Variants in LAMA4 observed in about 807,000 individuals in gnomAD.
The protein encoded by LAMA4 is laminin subunit alpha-4.
A neutral mutation model predicts 207.1 loss-of-function variants in LAMA4; 127 were observed. The observed-to-expected ratio is 0.61, with a 90% CI of 0.53 to 0.71. The LOEUF (loss-of-function observed/expected upper bound fraction) is 0.71, where lower values mean the gene tolerates loss of function less well. Ranked by LOEUF, LAMA4 falls within the 30% of genes least tolerant of loss-of-function variation. The probability of loss-of-function intolerance (pLI) is 0.00; values close to 1 mark genes in which losing one functional copy is unlikely to be tolerated. For missense variants in LAMA4, 2,093 were observed against 2,246.5 expected (o/e 0.93, Z 1.38); for synonymous variants, 761 against 816.0 (o/e 0.93, Z 1.15).
At chr6:112,240,071 A>G (rs999593240) in intron 2 of LAMA4, among the ~76,000 whole-genome samples, 1 of 152,116 alleles carries the variant, frequency 6.6e-6, no homozygotes, top group Non-Finnish European at 1.5e-5. Context: ...AACAAAAAAA[A>G]AGTCTGACTT....
Position 112,254,200 on chromosome 6 carries a change from T to A in LAMA4, c.-50A>T, listed in dbSNP as rs1554190633. ...TCTTCCAGGGCTCGGGCGCTGTGGGTCTCCGTAGGTCTCCCGCGTGGTGCG... is the reference window on the plus strand; with the variant it reads ...TCTTCCAGGGCTCGGGCGCTGTGGGACTCCGTAGGTCTCCCGCGTGGTGCG... On this transcript the variant is annotated 5_prime_UTR_variant, in exon 2 of 39. Transcript: ENST00000230538. 2 of 1,608,916 alleles carry A rather than the reference T, an allele frequency of 1.2e-6. No individual in the cohort carries two copies. Among genetic ancestry groups the A allele is most frequent in the South Asian group, 2.2e-5 (2 of 90,050 alleles).
At chr6:112,249,441 CAAAAA>C (rs71762704) in intron 2 of LAMA4, among the ~76,000 whole-genome samples, 1 of 52,760 alleles carries the variant, frequency 1.9e-5, no homozygotes, top group Non-Finnish European at 3.9e-5. Context: ...GACTCTGTTT[CAAAAA>C]AAAAAAAAAA....
At chr6:112,160,346 T>C (rs577608083) in intron 13 of LAMA4, among the ~76,000 whole-genome samples, 1 of 152,122 alleles carries the variant, frequency 6.6e-6, no homozygotes, top group Non-Finnish European at 1.5e-5. Context: ...TAAAGCATGC[T>C]GCCCCATTGT....
intron 28 of LAMA4, among the ~76,000 whole-genome samples, 197 bp from the exon 29 acceptor site, chr6:112,131,298 C>T (rs1554329718): frequency 6.6e-6 from 1 of 152,130 alleles, no homozygotes; most frequent in African/African-American, 2.4e-5. Context: ...AGACACATTT[C>T]AGTAGAAAAA....
chr6:112,120,873 AC>A (rs1562629982), intron 32 of LAMA4, among the ~76,000 whole-genome samples: 1 of 151,960 alleles, frequency 6.6e-6, no homozygotes, highest in East Asian at 1.9e-4. Flanking sequence ...GGAGTTCAAG[AC>A]CAGCTTGGGC....
At chr6:112,250,455 T>C (rs1027991446) in intron 2 of LAMA4, among the ~76,000 whole-genome samples, 2 of 152,216 alleles carry the variant, frequency 1.3e-5, no homozygotes, top group African/African-American at 2.4e-5. Context: ...GGTATGTTCA[T>C]GGGCACTGAT....
At chr6:112,204,516 C>G (rs916746339) in intron 4 of LAMA4, among the ~76,000 whole-genome samples, 1 of 150,792 alleles carries the variant, frequency 6.6e-6, no homozygotes, top group East Asian at 1.9e-4. Context: ...GCCTATAAAC[C>G]TTTTCTGAGC....
chr6:112,157,388 C>T (rs534609787), intron 14 of LAMA4, among the ~76,000 whole-genome samples: 1 of 152,250 alleles, frequency 6.6e-6, no homozygotes, highest in South Asian at 2.1e-4. Flanking sequence ...ATGGAAGCTT[C>T]TTAATGAATT....
At chr6:112,228,703 G>T (rs1785370616) in intron 2 of LAMA4, among the ~76,000 whole-genome samples, 1 of 152,218 alleles carries the variant, frequency 6.6e-6, no homozygotes, top group South Asian at 2.1e-4. Flanking sequence ...CTGCCATCTT[G>T]GGAGTCATGG....
At chr6:112,142,544 C>T (rs904492831) in intron 19 of LAMA4, among the ~76,000 whole-genome samples, 3 of 152,088 alleles carry the variant, frequency 2.0e-5, no homozygotes, top group Non-Finnish European at 4.4e-5. Flanking sequence ...AATATGAATT[C>T]CACCATGAAC....
intron 4 of LAMA4, among the ~76,000 whole-genome samples, chr6:112,205,982 C>T (rs1291113185): frequency 2.0e-5 from 3 of 152,154 alleles, no homozygotes; most frequent in East Asian, 3.9e-4. Flanking sequence ...CAGCAGAGAG[C>T]CTGGAGTCTC....
intron 30 of LAMA4, 99 bp from the exon 31 acceptor site, chr6:112,129,174 GTGTGTGTGTGTGCA>G (rs1292675401): frequency 1.2e-4 from 70 of 569,596 alleles, no homozygotes; most frequent in East Asian, 2.7e-4. Flanking sequence ...ATTAAAATGT[GTGTGTGTGTGTGCA>G]TGTGTGTGTG....
chr6:112,142,576 C>G (rs1779768868), intron 19 of LAMA4, among the ~76,000 whole-genome samples: 1 of 152,144 alleles, frequency 6.6e-6, no homozygotes, highest in South Asian at 2.1e-4. Context: ...TTTGGGTGAA[C>G]TAAACAACTT....
intron 18 of LAMA4, among the ~76,000 whole-genome samples, chr6:112,147,644 A>G (rs1780111288): frequency 6.6e-6 from 1 of 152,206 alleles, no homozygotes. Context: ...TTTCTATAGA[A>G]CTGTATATTC....
intron 6 of LAMA4, among the ~76,000 whole-genome samples, chr6:112,189,496 T>G (rs1159024285): frequency 1.3e-5 from 2 of 152,194 alleles, no homozygotes; most frequent in South Asian, 2.1e-4. Flanking sequence ...GTGCAATTGC[T>G]TTAGTCCAAA....
At chr6:112,216,508 G>T in intron 2 of LAMA4, 39 bp from the exon 3 acceptor site, 2 of 1,358,718 alleles carry the variant, frequency 1.5e-6, no homozygotes, top group Non-Finnish European at 2.1e-6. Context: ...TTATTGAAAA[G>T]ATTGATTTTG....
Position 112,144,891 on chromosome 6 carries a change from A to G in LAMA4, c.2396T>C (p.Leu799Pro). ...AGGTCGCTTCTGCTCAACCGTACGA[A>G]GCTGATCCAGGAGCTGAGGGACAAC... ...TEVVPQLLDQLRTVEQKRPAS... is the reference protein window; with the variant it reads ...TEVVPQLLDQPRTVEQKRPAS... Residue 799 changes from leucine (L) to proline (P), a missense_variant, in exon 19 of 39, where the codon CTT becomes CCT. Physicochemically the swap from Leu to Pro is moderately conservative, Grantham distance 98 (BLOSUM62 -3). Transcript: ENST00000230538. The G allele has an allele frequency of 6.2e-7, 1 of 1,614,054 alleles. No homozygotes were observed. The highest frequency in any genetic ancestry group is 8.5e-7 in the Non-Finnish European group (1 of 1,180,008).
chr6:112,195,252 G>T (rs1421305676), intron 5 of LAMA4, among the ~76,000 whole-genome samples: 1 of 152,138 alleles, frequency 6.6e-6, no homozygotes, highest in Admixed American at 6.5e-5. Context: ...AAAAGAACTT[G>T]TTCCAAAGTA....
chr6:112,245,492 TG>T (rs1786846181), intron 2 of LAMA4, among the ~76,000 whole-genome samples: 1 of 152,200 alleles, frequency 6.6e-6, no homozygotes, highest in Non-Finnish European at 1.5e-5. Context: ...TAGTTGTGTG[TG>T]TGAGGGAAGT....
Sources: gnomAD v4.1 joint callset for allele counts (sites outside exome capture counted in the v4.1 genomes callset) on GRCh38, gnomAD v4.1.1 for gene constraint, MANE v1.5 for transcripts, NCBI Gene and HGNC (gene_info 2026-07-23, HGNC 2026-07-21) for gene names.